Variants in SCARA5 observed in about 807,000 individuals in gnomAD.
The protein encoded by SCARA5 is scavenger receptor class A, member 5 (putative).
Under a neutral mutation model 46.3 loss-of-function variants are expected in SCARA5, and 45 were observed. The ratio of observed to expected loss-of-function variants is 0.97; its 90% CI spans 0.76 to 1.24. The LOEUF (loss-of-function observed/expected upper bound fraction) is 1.24. Among genes scored for constraint, SCARA5 ranks in the 50% most tolerant of loss-of-function variants. The probability of loss-of-function intolerance (pLI) is 0.00; values close to 1 mark genes in which losing one functional copy is unlikely to be tolerated. For synonymous variants in SCARA5, 333 were observed against 306.5 expected, an observed-to-expected ratio of 1.09 and a Z score of -0.90; for missense variants, 680 against 689.0, an observed-to-expected ratio of 0.99 and a Z score of 0.15.
chr8:27,985,479 C>CT (rs1417121021), intron 2 of SCARA5, among the ~76,000 whole-genome samples: 2 of 152,202 alleles, frequency 1.3e-5, no homozygotes, highest in African/African-American at 4.8e-5. Flanking sequence ...CACAGCCATG[C>CT]TTTGCCCAGC....
intron 3 of SCARA5, among the ~76,000 whole-genome samples, chr8:27,945,962 T>TGC (rs1412333431): frequency 6.6e-6 from 1 of 152,252 alleles, no homozygotes. Flanking sequence ...CTGATGACTG[T>TGC]GCAAATATTT....
rs145416016 is a variant in SCARA5, at chr8:27,879,569, C to G, written c.1351G>C (p.Gly451Arg). The change falls in exon 8 of 9, where the codon GGC (glycine) becomes CGC (arginine). Residue 451 changes from glycine (G) to arginine (R), a missense_variant and splice_region_variant. This residue lies in a region of SCARA5 where 219 missense variants were observed against 269.5 expected (regional missense o/e 0.81). Coordinates refer to ENST00000354914, the MANE Select transcript of SCARA5 (RefSeq NM_173833.6). ...GTTTTTTGCCCTCAGAGCGCCTTAC[C>G]TTGCCCGAATCGAGCTGTGCGGTAC... Reference protein sequence around the residue: ...EVYRTARFGQGTGRIWMDDVA... With the variant: ...EVYRTARFGQRTGRIWMDDVA... 6.2e-7 allele frequency: 1 copy of G among 1,606,164 alleles called. No individual in the cohort carries two copies. Among genetic ancestry groups the G allele is most frequent in the Non-Finnish European group, 8.5e-7 (1 of 1,179,864 alleles).
At chr8:27,913,293 C>T (rs1467987552) in intron 4 of SCARA5, among the ~76,000 whole-genome samples, 1 of 152,206 alleles carries the variant, frequency 6.6e-6, no homozygotes, top group African/African-American at 2.4e-5. Context: ...TCAGGTGGTA[C>T]AGGCCTGGCT....
chr8:27,895,045 C>T (rs1387424086), intron 7 of SCARA5, among the ~76,000 whole-genome samples: 4 of 152,170 alleles, frequency 2.6e-5, no homozygotes, highest in Non-Finnish European at 5.9e-5. Context: ...AGAGGGAAAG[C>T]CCACCCTAAG....
At chr8:27,931,095 T>C (rs1211684564) in intron 3 of SCARA5, among the ~76,000 whole-genome samples, 1 of 152,176 alleles carries the variant, frequency 6.6e-6, no homozygotes, top group Non-Finnish European at 1.5e-5. Context: ...AAGCAGAACA[T>C]AATATTCATT....
chr8:27,891,352 T>C (rs1806979438), intron 7 of SCARA5, among the ~76,000 whole-genome samples: 2 of 152,064 alleles, frequency 1.3e-5, no homozygotes, highest in African/African-American at 2.4e-5. Flanking sequence ...ACTATGGGTG[T>C]GCACCACCAT....
rs80051149 is a variant in SCARA5 at position 27,944,451 on chromosome 8, C to T, written c.241+21963G>A. Reference sequence around the variant, plus strand: ...AAAAATGGTAATAACAAACGTGGGGCGAGAAGAGAGAGCAGGTACACGCAA... The same window carrying T: ...AAAAATGGTAATAACAAACGTGGGGTGAGAAGAGAGAGCAGGTACACGCAA... On this transcript the variant is annotated intron_variant, in intron 3 of 8. Transcript: ENST00000354914. 4.1e-4 allele frequency among the ~76,000 whole-genome samples: 62 copies of T among 151,672 alleles called. 1 individual carries two copies. In the East Asian group the frequency reaches 8.5e-3, roughly 21 times the overall value.
intron 2 of SCARA5, among the ~76,000 whole-genome samples, chr8:27,967,677 C>A (rs1004171805): frequency 9.9e-5 from 15 of 152,246 alleles, no homozygotes; most frequent in African/African-American, 3.4e-4. Context: ...CTGTGGGAGG[C>A]CAAGGTGGGT....
rs574886007 is a variant in SCARA5 at position 27,981,638 on chromosome 8, G to A, written c.112+5866C>T. ...CACGCATGCAAGGACAACACAACTC[G>A]TGTGTGCACCATGGTTTCACATCCA... On this transcript the variant is annotated intron_variant, in intron 2 of 8. Transcript: ENST00000354914. 5.3e-5 allele frequency among the ~76,000 whole-genome samples: 8 copies of A among 152,194 alleles called. No individual in the cohort carries two copies. In the South Asian group the frequency reaches 6.2e-4, roughly 12 times the overall value.
At chr8:27,901,792 A>C (rs1807158710) in intron 7 of SCARA5, among the ~76,000 whole-genome samples, 1 of 152,166 alleles carries the variant, frequency 6.6e-6, no homozygotes, top group South Asian at 2.1e-4. Flanking sequence ...AGAGGGGATT[A>C]CTTGGGGTTT....
At chr8:27,950,353 C>T (rs929512133) in intron 3 of SCARA5, among the ~76,000 whole-genome samples, 1 of 152,160 alleles carries the variant, frequency 6.6e-6, no homozygotes, top group Admixed American at 6.5e-5. Flanking sequence ...CCCCACCCCA[C>T]ACACACCCCC....
chr8:27,931,116 A>G (rs1283447202), intron 3 of SCARA5, among the ~76,000 whole-genome samples: 1 of 152,240 alleles, frequency 6.6e-6, no homozygotes, highest in Non-Finnish European at 1.5e-5. Context: ...CAGAATCTGC[A>G]AGAAAGAAGT....
intron 3 of SCARA5, among the ~76,000 whole-genome samples, chr8:27,945,575 G>C (rs1008904680): frequency 6.6e-6 from 1 of 152,190 alleles, no homozygotes; most frequent in African/African-American, 2.4e-5. Context: ...AAGCATACAG[G>C]TTGTGCAAAG....
At chr8:27,883,780 A>C (rs1806847938) in intron 7 of SCARA5, among the ~76,000 whole-genome samples, 1 of 152,220 alleles carries the variant, frequency 6.6e-6, no homozygotes, top group Non-Finnish European at 1.5e-5. Context: ...ACCCAGTGAC[A>C]AGTGGGTGAC....
At chr8:27,926,272 A>G (rs1029675227) in intron 3 of SCARA5, among the ~76,000 whole-genome samples, 1 of 152,242 alleles carries the variant, frequency 6.6e-6, no homozygotes, top group African/African-American at 2.4e-5. Context: ...CAGCCATAAA[A>G]AAGGATGAGT....
intron 4 of SCARA5, among the ~76,000 whole-genome samples, chr8:27,916,980 G>A (rs79265810): frequency 0.013 from 2,016 of 152,256 alleles, 52 homozygotes; most frequent in African/African-American, 0.046. Context: ...GGACTCCAGG[G>A]AGCTGCCCCA....
chr8:27,899,850 T>C (rs1255918644), intron 7 of SCARA5, among the ~76,000 whole-genome samples: 1 of 152,190 alleles, frequency 6.6e-6, no homozygotes, highest in Non-Finnish European at 1.5e-5. Flanking sequence ...TCTTTAAGAC[T>C]TGGGTCAGCT....
chr8:27,928,064 C>A (rs2129833591), intron 3 of SCARA5, among the ~76,000 whole-genome samples: 1 of 152,286 alleles, frequency 6.6e-6, no homozygotes, highest in South Asian at 2.1e-4. Context: ...TTGCGTAGGG[C>A]AGCCTCCTTT....
At chr8:27,961,275 A>T (rs1257526160) in intron 3 of SCARA5, among the ~76,000 whole-genome samples, 1 of 152,152 alleles carries the variant, frequency 6.6e-6, no homozygotes, top group East Asian at 1.9e-4. Context: ...CATCCCCCTC[A>T]TGGTAATGAG....
Sources: gnomAD v4.1 joint callset for allele counts (sites outside exome capture counted in the v4.1 genomes callset) on GRCh38, gnomAD v4.1.1 for gene constraint, gnomAD v4.1.1 regional missense constraint, MANE v1.5 for transcripts, NCBI Gene and HGNC (gene_info 2026-07-23, HGNC 2026-07-21) for gene names.